MORN5: variants seen among roughly 807,000 people sequenced by gnomAD.
The protein encoded by MORN5 is MORN repeat-containing protein 5.
In MORN5, 21 loss-of-function variants were observed where a neutral mutation model predicts 22.1. That is an observed-to-expected ratio of 0.95 (90% CI 0.67 to 1.37). The LOEUF is 1.37. Among genes scored for constraint, MORN5 ranks in the 40% most tolerant of loss-of-function variants. The pLI is 0.00. For missense variants in MORN5, 211 were observed against 215.1 expected (o/e 0.98, Z 0.12); for synonymous variants, 73 against 74.0 (o/e 0.99, Z 0.07).
rs368131748 is a variant in MORN5, at chr9:122,174,988, C to G, written c.439+361C>G. 69 of 535,302 alleles carry G rather than the reference C, an allele frequency of 1.3e-4. No homozygotes were observed. In the African/African-American group the frequency reaches 1.4e-3, roughly 11 times the overall value. The allele number at this position is 535,302 out of a possible 1,614,324, so 33.2% of individuals were successfully genotyped here. ...GCAGAGCAAAGCTGGACACAGCCCC[C>G]CTTCCTTGTGGAGCTTGCATTCTAA... On this transcript the variant is annotated intron_variant, in intron 4 of 4. Coordinates refer to ENST00000373764, the MANE Select transcript of MORN5 (RefSeq NM_198469.4).
intron 1 of MORN5, among the ~76,000 whole-genome samples, chr9:122,160,805 C>T (rs1333260535): frequency 1.3e-5 from 2 of 152,070 alleles, no homozygotes; most frequent in Admixed American, 6.6e-5. Context: ...TTTGTAGAGA[C>T]GGCATCTTGC....
chr9:122,177,614 G>T (rs2118761737), intron 4 of MORN5, among the ~76,000 whole-genome samples: 1 of 152,238 alleles, frequency 6.6e-6, no homozygotes, highest in East Asian at 1.9e-4. Context: ...TGTATTTTTA[G>T]TAGAGGCGGG....
chr9:122,174,692 T>C, intron 4 of MORN5, 65 bp downstream of exon 4: 1 of 1,611,628 alleles, frequency 6.2e-7, no homozygotes, highest in South Asian at 1.1e-5. Flanking sequence ...TGCATCTGTA[T>C]GTACAAATGT....
At chr9:122,175,649 G>A (rs541801218) in intron 4 of MORN5, 5 of 985,174 alleles carry the variant, frequency 5.1e-6, no homozygotes, top group Non-Finnish European at 6.0e-6. Context: ...AGTCTTAAGG[G>A]GTGAATGGTC....
At chr9:122,196,206 A>G (rs954825442) in intron 4 of MORN5, among the ~76,000 whole-genome samples, 1 of 151,816 alleles carries the variant, frequency 6.6e-6, no homozygotes, top group African/African-American at 2.4e-5. Context: ...CAGTCTGTCC[A>G]CCTCAGCCTC....
chr9:122,199,024 C>A (rs1010026838), intron 4 of MORN5, among the ~76,000 whole-genome samples: 1 of 151,572 alleles, frequency 6.6e-6, no homozygotes, highest in Admixed American at 6.6e-5. Context: ...AGGAGGGGCC[C>A]GGTATGGGTT....
intron 4 of MORN5, among the ~76,000 whole-genome samples, chr9:122,198,411 G>T (rs1024899238): frequency 1.3e-5 from 2 of 152,160 alleles, no homozygotes; most frequent in Non-Finnish European, 2.9e-5. Flanking sequence ...TCTTAGGCAG[G>T]AGGCACTGGG....
chr9:122,175,889 C>A (rs1394777654), intron 4 of MORN5, among the ~76,000 whole-genome samples: 1 of 151,914 alleles, frequency 6.6e-6, no homozygotes. Flanking sequence ...CCGAGGAGGG[C>A]GGATCATGAG....
intron 1 of MORN5, chr9:122,164,650 A>G (rs758412738): frequency 1.0e-6 from 1 of 985,416 alleles, no homozygotes; most frequent in Non-Finnish European, 1.2e-6. Context: ...AGTTCAAGGT[A>G]AGAAAAGGGG....
rs1269812063 is a variant in MORN5 at position 122,197,652 on chromosome 9, T to G, written c.440-2233T>G. ...GGCTGTTAAGTCCATTGCTGTCAAT[T>G]TTTAACGATCAGGGAGGGGCCTGAG... On this transcript the variant is annotated intron_variant, in intron 4 of 4. Transcript: ENST00000373764. The surrounding 1 kb of genome is among the most constrained non-coding windows in gnomAD (Gnocchi z 5.7). 6.6e-6 allele frequency among the ~76,000 whole-genome samples: 1 copy of G among 152,182 alleles called. No homozygotes were observed. The highest frequency in any genetic ancestry group is 1.5e-5 in the Non-Finnish European group (1 of 68,026).
At chr9:122,189,446 T>TA (rs1829710808) in intron 4 of MORN5, among the ~76,000 whole-genome samples, 1 of 151,856 alleles carries the variant, frequency 6.6e-6, no homozygotes, top group Admixed American at 6.6e-5. Flanking sequence ...AAAGATTTTT[T>TA]TAAATTAGCC....
chr9:122,171,867 C>G (rs1474854719), intron 3 of MORN5, among the ~76,000 whole-genome samples: 1 of 151,186 alleles, frequency 6.6e-6, no homozygotes, highest in African/African-American at 2.4e-5. Context: ...CCTCCATCAT[C>G]TTTCCCCTTG....
At chr9:122,184,871 T>C (rs879773790) in intron 4 of MORN5, among the ~76,000 whole-genome samples, 4 of 152,214 alleles carry the variant, frequency 2.6e-5, no homozygotes, top group Non-Finnish European at 5.9e-5. Context: ...ATGTTAGAGC[T>C]GACTTTGAAT....
intron 4 of MORN5, among the ~76,000 whole-genome samples, chr9:122,196,293 A>G (rs12683922): frequency 0.5 from 75,490 of 150,684 alleles, 22,034 homozygotes; most frequent in African/African-American, 0.79. Flanking sequence ...AATGCGTGAA[A>G]TTACCAAGAC....
chr9:122,161,564 T>A (rs1287055870), intron 1 of MORN5, among the ~76,000 whole-genome samples: 2 of 152,166 alleles, frequency 1.3e-5, no homozygotes, highest in East Asian at 3.8e-4. Flanking sequence ...AGCTAGGAAG[T>A]AACAGAGTCA....
At chr9:122,188,850 T>C (rs1289247075) in intron 4 of MORN5, among the ~76,000 whole-genome samples, 1 of 152,222 alleles carries the variant, frequency 6.6e-6, no homozygotes, top group African/African-American at 2.4e-5. Context: ...TCTCCATCCC[T>C]GTGTGCCTCC....
intron 2 of MORN5, among the ~76,000 whole-genome samples, chr9:122,167,227 TA>T (rs1382360353): frequency 1.3e-5 from 2 of 151,508 alleles, no homozygotes; most frequent in Non-Finnish European, 2.9e-5. Flanking sequence ...TTTGTATTTT[TA>T]GTAGAGATTG....
chr9:122,188,684 T>C (rs910086080), intron 4 of MORN5, among the ~76,000 whole-genome samples: 1 of 152,166 alleles, frequency 6.6e-6, no homozygotes, highest in Admixed American at 6.5e-5. Flanking sequence ...ATGAACATGT[T>C]TAGTGAACAT....
At position 122,180,528 on chromosome 9, in the gene MORN5, C is replaced by T. The variant is rs185418751; in HGVS notation, c.439+5901C>T. 7.0e-3 allele frequency among the ~76,000 whole-genome samples: 1,067 copies of T among 152,148 alleles called. 13 individuals are homozygous for T. Among genetic ancestry groups the T allele is most frequent in the African/African-American group, 0.025 (1,021 of 41,520 alleles). On this transcript the variant is annotated intron_variant, in intron 4 of 4. Coordinates refer to ENST00000373764, the MANE Select transcript of MORN5 (RefSeq NM_198469.4). ...CTCGAACTCCTGACCTCAGGTGATC[C>T]GCCTGCCTCGGCTTCCCAAAGTGCT...
Sources: gnomAD v4.1 joint callset for allele counts (sites outside exome capture counted in the v4.1 genomes callset) on GRCh38, gnomAD v4.1.1 for gene constraint, Gnocchi (gnomAD v3.1) non-coding constraint, MANE v1.5 for transcripts, NCBI Gene and HGNC (gene_info 2026-07-23, HGNC 2026-07-21) for gene names.